The following BRINP1 variants were observed in gnomAD, a reference collection of about 807,000 sequenced individuals.
BRINP1 encodes BMP/retinoic acid inducible neural specific 1.
BRINP1 carries 17 observed loss-of-function variants against 72.9 expected under a neutral mutation model. The ratio of observed to expected loss-of-function variants is 0.23; its 90% CI spans 0.16 to 0.35. The LOEUF (loss-of-function observed/expected upper bound fraction) is 0.35, where lower values mean the gene tolerates loss of function less well. Ranked by LOEUF, BRINP1 falls within the 10% of genes least tolerant of loss-of-function variation. BRINP1 has a pLI of 1.00. For missense variants in BRINP1, 850 were observed against 1,001.6 expected, an observed-to-expected ratio of 0.85 and a Z score of 2.04; for synonymous variants, 418 against 378.5, an observed-to-expected ratio of 1.10 and a Z score of -1.21.
chr9:119,291,948 A>G (rs558161960), intron 2 of BRINP1, among the ~76,000 whole-genome samples: 1 of 152,354 alleles, frequency 6.6e-6, no homozygotes, highest in East Asian at 1.9e-4. Context: ...TTAATAATAC[A>G]ACATCAGTCT....
At chr9:119,205,834 G>C (rs1453875119) in intron 7 of BRINP1, among the ~76,000 whole-genome samples, 1 of 151,106 alleles carries the variant, frequency 6.6e-6, no homozygotes, top group African/African-American at 2.5e-5. Context: ...GAGGTTATTT[G>C]TTTGAATTCT....
intron 2 of BRINP1, among the ~76,000 whole-genome samples, chr9:119,281,099 G>A (rs1358601890): frequency 1.3e-5 from 2 of 152,136 alleles, no homozygotes; most frequent in Middle Eastern, 3.2e-3. Context: ...GCAAAGCCAG[G>A]GAGTCCAGCC....
At chr9:119,347,577 C>T (rs1564254137) in intron 1 of BRINP1, among the ~76,000 whole-genome samples, 1 of 151,984 alleles carries the variant, frequency 6.6e-6, no homozygotes, top group Non-Finnish European at 1.5e-5. Context: ...GGCTTCCTCC[C>T]ACCTCTAAAT....
At chr9:119,175,644 G>T (rs1829479376) in intron 7 of BRINP1, among the ~76,000 whole-genome samples, 1 of 152,054 alleles carries the variant, frequency 6.6e-6, no homozygotes, top group African/African-American at 2.4e-5. Context: ...TGATACCAAA[G>T]TCTATAATCT....
At chr9:119,272,053 T>A (rs1270176157) in intron 2 of BRINP1, among the ~76,000 whole-genome samples, 58 of 147,670 alleles carry the variant, frequency 3.9e-4, no homozygotes, top group African/African-American at 1.3e-3. Context: ...GTGGGAGAAA[T>A]TATTATTTAT....
chr9:119,282,233 G>A (rs996755002), intron 2 of BRINP1, among the ~76,000 whole-genome samples: 3 of 151,528 alleles, frequency 2.0e-5, no homozygotes, highest in African/African-American at 4.9e-5. Context: ...TAGATGAGAC[G>A]ACAGTGTTGG....
rs1300452257 is a variant in BRINP1, at chr9:119,166,651, C to CTTCT, written c.*429_*432dup. On this transcript the variant is annotated 3_prime_UTR_variant, in exon 8 of 8. Transcript: ENST00000265922. ...GAATAAATCTTAACCGAAGAAATAT[C>CTTCT]TTCTTTATCTATGTCCATTTCCTCC... 1.3e-5 allele frequency: 2 copies of CTTCT among 155,442 alleles called. No homozygotes were observed. The highest frequency in any genetic ancestry group is 4.8e-5 in the African/African-American group (2 of 41,480). The allele number at this position is 155,442 out of a possible 1,614,324, so 9.6% of individuals were successfully genotyped here.
chr9:119,210,787 C>A lies in BRINP1; in HGVS notation c.923-1846G>T, dbSNP rs530315752. Among the ~76,000 whole-genome samples the A allele has an allele frequency of 1.7e-3, 254 of 152,328 alleles. 1 individual carries two copies. Among genetic ancestry groups the A allele is most frequent in the Non-Finnish European group, 2.5e-3 (172 of 68,038 alleles). Reference sequence around the variant, plus strand: ...GCTGAACAGCTGTGGGACCCTTATTCTCTCAAGGCGTCAGTTTCCCCATCT... The same window carrying A: ...GCTGAACAGCTGTGGGACCCTTATTATCTCAAGGCGTCAGTTTCCCCATCT... On this transcript the variant is annotated intron_variant, in intron 6 of 7. Transcript: ENST00000265922.
chr9:119,362,066 C>T (rs1466620699), intron 1 of BRINP1, among the ~76,000 whole-genome samples: 1 of 150,322 alleles, frequency 6.7e-6, no homozygotes, highest in African/African-American at 2.5e-5. Context: ...CCCCCAACCC[C>T]TCCGCCCTCC....
intron 1 of BRINP1, among the ~76,000 whole-genome samples, chr9:119,328,997 G>A (rs1335164820): frequency 6.6e-6 from 1 of 152,106 alleles, no homozygotes; most frequent in Non-Finnish European, 1.5e-5. Context: ...AATAAGAAAA[G>A]TTTGCTGCCC....
At chr9:119,256,526 A>G (rs187795058) in intron 2 of BRINP1, among the ~76,000 whole-genome samples, 1 of 152,352 alleles carries the variant, frequency 6.6e-6, no homozygotes, top group East Asian at 1.9e-4. Context: ...ACCTCCTCAA[A>G]TTGTGCTGGA....
chr9:119,333,800 G>C (rs1831323641), intron 1 of BRINP1, among the ~76,000 whole-genome samples: 1 of 152,108 alleles, frequency 6.6e-6, no homozygotes. Flanking sequence ...TGTTTCATTG[G>C]GAGCCTAAGG....
intron 1 of BRINP1, among the ~76,000 whole-genome samples, chr9:119,329,365 T>C (rs941290583): frequency 1.3e-5 from 2 of 152,216 alleles, no homozygotes; most frequent in Non-Finnish European, 2.9e-5. Context: ...TTCTGCAATG[T>C]TGTCATCCTT....
chr9:119,197,197 T>C (rs1437680722), intron 7 of BRINP1, among the ~76,000 whole-genome samples: 1 of 152,134 alleles, frequency 6.6e-6, no homozygotes, highest in Non-Finnish European at 1.5e-5. Context: ...GTTCACTGAG[T>C]CAGACCAAAT....
At chr9:119,237,250 G>T (rs1830200521) in intron 5 of BRINP1, among the ~76,000 whole-genome samples, 1 of 151,884 alleles carries the variant, frequency 6.6e-6, no homozygotes, top group Non-Finnish European at 1.5e-5. Context: ...TCATTGTAGA[G>T]AAGTTAGAAA....
chr9:119,344,299 A>G (rs1831431135), intron 1 of BRINP1, among the ~76,000 whole-genome samples: 1 of 152,194 alleles, frequency 6.6e-6, no homozygotes, highest in Admixed American at 6.5e-5. Flanking sequence ...ATACATTATT[A>G]TTATTTTGGA....
intron 2 of BRINP1, among the ~76,000 whole-genome samples, chr9:119,272,774 C>A (rs915925749): frequency 6.6e-6 from 1 of 152,204 alleles, no homozygotes; most frequent in African/African-American, 2.4e-5. Flanking sequence ...GAGACTGACA[C>A]TTTTCCATGG....
chr9:119,272,642 C>T (rs1830619283), intron 2 of BRINP1, among the ~76,000 whole-genome samples: 1 of 152,164 alleles, frequency 6.6e-6, no homozygotes, highest in South Asian at 2.1e-4. Context: ...GGAACATGGA[C>T]TCTGTGTGTG....
At chr9:119,240,417 T>G (rs1182044460) in intron 4 of BRINP1, among the ~76,000 whole-genome samples, 1 of 152,196 alleles carries the variant, frequency 6.6e-6, no homozygotes, top group East Asian at 1.9e-4. Context: ...AATGGTTTCT[T>G]GAGTGGCCTC....
Sources: gnomAD v4.1 joint callset for allele counts (sites outside exome capture counted in the v4.1 genomes callset) on GRCh38, gnomAD v4.1.1 for gene constraint, MANE v1.5 for transcripts, NCBI Gene and HGNC (gene_info 2026-07-23, HGNC 2026-07-21) for gene names.